Variants in EIF2AK1 observed in about 807,000 individuals in gnomAD.
The protein encoded by EIF2AK1 is eukaryotic translation initiation factor 2-alpha kinase 1.
Under a neutral mutation model 77.9 loss-of-function variants are expected in EIF2AK1, and 54 were observed. The ratio of observed to expected loss-of-function variants is 0.69; its 90% CI spans 0.56 to 0.87. EIF2AK1 has a LOEUF of 0.87. Ranked by LOEUF, EIF2AK1 falls within the 40% of genes least tolerant of loss-of-function variation. The pLI, the probability that EIF2AK1 is intolerant of heterozygous loss-of-function variation, is 0.00. For missense variants in EIF2AK1, 810 were observed against 768.6 expected (o/e 1.05, Z -0.64); for synonymous variants, 314 against 290.5 (o/e 1.08, Z -0.82).
intron 8 of EIF2AK1, among the ~76,000 whole-genome samples, chr7:6,041,527 A>C (rs562775776): frequency 5.6e-4 from 84 of 150,730 alleles, no homozygotes; most frequent in Non-Finnish European, 1.1e-3. Context: ...CGACAAAGTG[A>C]GTGAGACTCC....
chr7:6,037,175 G>A (rs1002463247), intron 11 of EIF2AK1, among the ~76,000 whole-genome samples: 4 of 151,820 alleles, frequency 2.6e-5, no homozygotes, highest in South Asian at 2.1e-4. Context: ...AGGCTGCAGT[G>A]AGCTGTAATC....
rs567156273 is a variant in EIF2AK1 at position 6,052,033 on chromosome 7, G to T, written c.278-1988C>A. Among the ~76,000 whole-genome samples, 6 of 151,880 alleles carry T rather than the reference G, an allele frequency of 4.0e-5. No individual in the cohort carries two copies. The South Asian group carries it at 1.3e-3, about 32-fold the overall frequency. ...TAAAAATACAAAAAATCAGCCGGGC[G>T]TGGTGGTGGGTGCCTGTAGTCCCAG... On this transcript the variant is annotated intron_variant, in intron 2 of 14. Transcript: ENST00000199389.
chr7:6,058,873 G>T, intron 1 of EIF2AK1, 93 bp downstream of exon 1: 2 of 1,178,580 alleles, frequency 1.7e-6, no homozygotes, highest in Non-Finnish European at 2.3e-6. Flanking sequence ...AAGTCGCCCA[G>T]GTCCTCAGGC....
Position 6,024,094 on chromosome 7 carries a change from T to C in EIF2AK1, c.*579A>G, listed in dbSNP as rs538382623. The C allele has an allele frequency of 3.7e-5, 48 of 1,299,412 alleles. No homozygotes were observed. The African/African-American group carries it at 5.7e-4, about 15-fold the overall frequency. The allele number at this position is 1,299,412 out of a possible 1,614,324, so 80.5% of individuals were successfully genotyped here. ...CGGAGTACAAAGCTTTGCAAGGGTGTGGTTTTGGAATGACGCTAAACTGAA... is the reference window on the plus strand; with the variant it reads ...CGGAGTACAAAGCTTTGCAAGGGTGCGGTTTTGGAATGACGCTAAACTGAA... On this transcript the variant is annotated 3_prime_UTR_variant, in exon 15 of 15. Coordinates refer to ENST00000199389, the MANE Select transcript of EIF2AK1 (RefSeq NM_014413.4).
In EIF2AK1 at chr7:6,024,784, C is replaced by T; in HGVS notation, c.1782G>A (p.Gln594=). 2 of 1,560,392 alleles carry T rather than the reference C, an allele frequency of 1.3e-6. No individual in the cohort carries two copies. The highest frequency in any genetic ancestry group is 1.7e-6 in the Non-Finnish European group (2 of 1,159,578). Residue 594 remains glutamine, a synonymous_variant, in exon 15 of 15, where the codon CAG becomes CAA. Coordinates refer to ENST00000199389, the MANE Select transcript of EIF2AK1 (RefSeq NM_014413.4). The part of the protein sequence containing the change: ...QNSGNVNLTL[Q]MKIIEQEKEI... Reference sequence around the variant, plus strand: ...CTTTTTCTTGCTCTATTATCTTCATCTGTAGGGTGAGGTTAACCTGTAAGG... The same window carrying T: ...CTTTTTCTTGCTCTATTATCTTCATTTGTAGGGTGAGGTTAACCTGTAAGG...
chr7:6,028,928 T>C lies in EIF2AK1; in HGVS notation c.1437A>G (p.Arg479=), dbSNP rs371694052. ...AAACCAAAAACTTACTCTTCCCGTT[T>C]CTGTTGGTCCAGTCTGTGTTCTTCT... ...ILQKNTDWTN[R]NGKRTPTHTS... The change falls in exon 12 of 15, where the codon AGA becomes AGG. Residue 479 remains arginine, a synonymous_variant. Transcript: ENST00000199389. 8 of 1,598,118 alleles carry C rather than the reference T, an allele frequency of 5.0e-6. No homozygotes were observed. The African/African-American group carries it at 1.1e-4, about 22-fold the overall frequency.
rs1787662778 is a variant in EIF2AK1, at chr7:6,024,009, G to A, written c.*664C>T. ...GCTACAATAAAGGAGGAAGTACCGGGGAACAGTGCAGGGCAAAGGCAGGAA... is the reference window on the plus strand; with the variant it reads ...GCTACAATAAAGGAGGAAGTACCGGAGAACAGTGCAGGGCAAAGGCAGGAA... On this transcript the variant is annotated 3_prime_UTR_variant, in exon 15 of 15. Transcript: ENST00000199389. The A allele has an allele frequency of 1.5e-6, 2 of 1,334,542 alleles. No individual in the cohort carries two copies. The allele number at this position is 1,334,542 out of a possible 1,614,324, so 82.7% of individuals were successfully genotyped here.
chr7:6,054,631 T>C lies in EIF2AK1; in HGVS notation c.192A>G (p.Ala64=). ...GCAAAGAAACCAGCAAGAGTTGGTT[T>C]GCAACTGCAAAAGGGAAGGTTGGCT... The part of the protein sequence containing the change: ...LQQPTFPFAV[A]NQLLLVSLLE... Residue 64 remains alanine, a synonymous_variant, in exon 2 of 15, where the codon GCA becomes GCG. Transcript: ENST00000199389. 1 of 1,614,220 alleles carries C rather than the reference T, an allele frequency of 6.2e-7. No homozygotes were observed. Among genetic ancestry groups the C allele is most frequent in the South Asian group, 1.1e-5 (1 of 91,086 alleles).
intron 2 of EIF2AK1, among the ~76,000 whole-genome samples, chr7:6,052,134 C>T (rs1281667233): frequency 2.0e-5 from 3 of 148,276 alleles, no homozygotes; most frequent in Non-Finnish European, 3.0e-5. Flanking sequence ...ATCGCACTAC[C>T]GCACTCCAGC....
At position 6,026,798 on chromosome 7, in the gene EIF2AK1, C is replaced by T; in HGVS notation, c.1694G>A (p.Arg565Lys). The change falls in exon 14 of 15, where the codon AGA (arginine) becomes AAA (lysine). Residue 565 changes from arginine (R) to lysine (K), a missense_variant. Around this residue, in one of 3 missense-constraint regions of EIF2AK1, gnomAD observed 549 missense variants for 533.7 expected, o/e 1.03. Transcript: ENST00000199389. ...AGATGGTCTCTGCGATGAGTTCCTT[C>T]TCGTTAAGTGCTGGATATACTTGGC... ...VQAKYIQHLTRRNSSQRPSAI... is the reference protein window; with the variant it reads ...VQAKYIQHLTKRNSSQRPSAI... 1 of 1,614,230 alleles carries T rather than the reference C, an allele frequency of 6.2e-7. No homozygotes were observed. The highest frequency in any genetic ancestry group is 8.5e-7 in the Non-Finnish European group (1 of 1,180,038).
rs749640780 is a variant in EIF2AK1, at chr7:6,023,422, C to T, written c.*1251G>A. On this transcript the variant is annotated 3_prime_UTR_variant, in exon 15 of 15. Transcript: ENST00000199389. ...GAAGCATAATGCTGTCAACGCAACC[C>T]TTATAGATAGCTGGGTAGATATTGC... The T allele has an allele frequency of 6.2e-7, 1 of 1,614,206 alleles. No homozygotes were observed. Among genetic ancestry groups the T allele is most frequent in the South Asian group, 1.1e-5 (1 of 91,082 alleles).
chr7:6,041,138 G>T lies in EIF2AK1; in HGVS notation c.873C>A (p.Arg291=). The change falls in exon 9 of 15, where the codon CGC becomes CGA. Residue 291 remains arginine (R), a synonymous_variant. Transcript: ENST00000199389. The part of the protein sequence containing the change: ...FAEPTPEKEK[R]FGESDTENQN... ...GATTTTCAGTGTCAGATTCTCCAAAGCGTTTTTCTTTTTCTGGGGTGGGCT... is the reference window on the plus strand; with the variant it reads ...GATTTTCAGTGTCAGATTCTCCAAATCGTTTTTCTTTTTCTGGGGTGGGCT... 1.2e-6 allele frequency: 2 copies of T among 1,613,820 alleles called. No individual in the cohort carries two copies. Among genetic ancestry groups the T allele is most frequent in the Non-Finnish European group, 1.7e-6 (2 of 1,180,004 alleles).
At chr7:6,029,493 C>CAA (rs1033539460) in intron 11 of EIF2AK1, among the ~76,000 whole-genome samples, 2 of 134,342 alleles carry the variant, frequency 1.5e-5, no homozygotes. Context: ...AACCCTGTCT[C>CAA]AAAAAAAAAA....
chr7:6,055,352 A>AAAG (rs1488720037), intron 1 of EIF2AK1, among the ~76,000 whole-genome samples: 1 of 151,398 alleles, frequency 6.6e-6, no homozygotes, highest in Non-Finnish European at 1.5e-5. Flanking sequence ...CAAAAAAAAA[A>AAAG]AAAAAAAAAA....
chr7:6,050,216 G>A (rs544020515), intron 2 of EIF2AK1, among the ~76,000 whole-genome samples, 171 bp from the exon 3 acceptor site: 4 of 150,220 alleles, frequency 2.7e-5, no homozygotes, highest in East Asian at 3.9e-4. Context: ...CTAGAATAAC[G>A]TAAAAGAAAT....
In EIF2AK1 at chr7:6,027,007, A is replaced by G. The variant is rs191704672; in HGVS notation, c.1531-46T>C. 355 of 1,504,148 alleles carry G rather than the reference A, an allele frequency of 2.4e-4. No individual in the cohort carries two copies. Among genetic ancestry groups the G allele is most frequent in the Non-Finnish European group, 2.6e-4 (281 of 1,086,300 alleles). The allele number at this position is 1,504,148 out of a possible 1,614,324, so 93.2% of individuals were successfully genotyped here. On this transcript the variant is annotated intron_variant, in intron 13 of 14. Coordinates refer to ENST00000199389, the MANE Select transcript of EIF2AK1 (RefSeq NM_014413.4). This position sits in a 1 kb window ranked among gnomAD's most constrained non-coding sequence, Gnocchi z 4.5. ...GAACTCAGTAGTGAAATACAAAGTT[A>G]GAAGAACGTTTCCATTTCCGTGTTC...
chr7:6,056,613 A>AAAAAAAAAAAAAAAAAT, intron 1 of EIF2AK1, among the ~76,000 whole-genome samples: 1 of 43,730 alleles, frequency 2.3e-5, no homozygotes, highest in Non-Finnish European at 4.7e-5. Context: ...AAAAAAAAAA[A>AAAAAAAAAAAAAAAAAT]ATATATATAT....
Position 6,046,154 on chromosome 7 carries a change from G to C in EIF2AK1, c.550-3C>G. On this transcript the variant is annotated splice_polypyrimidine_tract_variant and splice_region_variant and intron_variant, in intron 5 of 14. Transcript: ENST00000199389. ...TGACCATCTAATTTATTCCTGACCT[G>C]AAAAGTAGAAAAAAAGACAAAGTAT... is the stretch of plus-strand genomic sequence containing the variant. 6.8e-7 allele frequency: 1 copy of C among 1,478,192 alleles called. No individual in the cohort carries two copies. Among genetic ancestry groups the C allele is most frequent in the African/African-American group, 1.4e-5 (1 of 69,106 alleles). 91.6% of individuals were successfully genotyped at this position (1,478,192 alleles called of 1,614,324 possible).
Position 6,023,872 on chromosome 7 carries a change from G to A in EIF2AK1, c.*801C>T, listed in dbSNP as rs777732966. On this transcript the variant is annotated 3_prime_UTR_variant, in exon 15 of 15. Transcript: ENST00000199389. ...TATTTAAAATTCAGCAAAATCATAC[G>A]CCATCTACCGTGATGACTGCCAACT... is the stretch of plus-strand genomic sequence containing the variant. The A allele has an allele frequency of 1.6e-5, 24 of 1,532,688 alleles. No individual in the cohort carries two copies. Among genetic ancestry groups the A allele is most frequent in the South Asian group, 1.4e-4 (12 of 83,120 alleles). 94.9% of individuals were successfully genotyped at this position (1,532,688 alleles called of 1,614,324 possible). A position where few individuals can be genotyped will look rare whatever the true frequency, so the allele number is the denominator to read the frequency against.
Sources: gnomAD v4.1 joint callset for allele counts (sites outside exome capture counted in the v4.1 genomes callset) on GRCh38, gnomAD v4.1.1 for gene constraint, gnomAD v4.1.1 regional missense constraint, Gnocchi (gnomAD v3.1) non-coding constraint, MANE v1.5 for transcripts, NCBI Gene and HGNC (gene_info 2026-07-23, HGNC 2026-07-21) for gene names.